CREB5: variants seen among roughly 807,000 people sequenced by gnomAD.
CREB5 encodes the protein cyclic AMP-responsive element-binding protein 5.
CREB5 carries 19 observed loss-of-function variants against 57.1 expected under a neutral mutation model. The ratio of observed to expected loss-of-function variants is 0.33; its 90% CI spans 0.23 to 0.49. The LOEUF is 0.49. Among genes scored for constraint, CREB5 ranks in the 20% least tolerant of loss-of-function variants. The pLI, the probability that CREB5 is intolerant of heterozygous loss-of-function variation, is 0.99. For synonymous variants in CREB5, 238 were observed against 238.3 expected (o/e 1.00, Z 0.01); for missense variants, 579 against 671.6 (o/e 0.86, Z 1.52).
chr7:28,467,575 C>T (rs779135715), intron 1 of CREB5, among the ~76,000 whole-genome samples: 1 of 152,152 alleles, frequency 6.6e-6, no homozygotes, highest in African/African-American at 2.4e-5. Context: ...TGGGTTGCTG[C>T]TCCTGGTGAT....
chr7:28,585,287 CA>C (rs1017756206), intron 5 of CREB5, among the ~76,000 whole-genome samples: 6 of 152,212 alleles, frequency 3.9e-5, no homozygotes, highest in African/African-American at 1.4e-4. Flanking sequence ...AACATTCCAG[CA>C]GCCCTGAACC....
intron 1 of CREB5, among the ~76,000 whole-genome samples, chr7:28,382,175 A>G (rs1786979047): frequency 6.6e-6 from 1 of 152,188 alleles, no homozygotes; most frequent in African/African-American, 2.4e-5. Flanking sequence ...GCTCCAGGAA[A>G]GAGAATTCAT....
At chr7:28,462,764 T>C (rs1790400736) in intron 1 of CREB5, among the ~76,000 whole-genome samples, 1 of 152,218 alleles carries the variant, frequency 6.6e-6, no homozygotes, top group South Asian at 2.1e-4. Context: ...TTAGGTTATT[T>C]GCTTTTTTAT....
rs150596707 is a variant in CREB5 at position 28,300,023 on chromosome 7, C to T, written c.-25+582C>T. On this transcript the variant is annotated intron_variant, in intron 1 of 9. Transcript: ENST00000396299. ...GTGTTGCCCTTTTCATCCTGTTTTCCGTTTTGTTATTTATACTGCTTTTTA... is the reference window on the plus strand; with the variant it reads ...GTGTTGCCCTTTTCATCCTGTTTTCTGTTTTGTTATTTATACTGCTTTTTA... 4.3e-3 allele frequency among the ~76,000 whole-genome samples: 658 copies of T among 151,658 alleles called. 4 individuals carry two copies. The highest frequency in any genetic ancestry group is 0.024 in the Middle Eastern group (7 of 294).
intron 5 of CREB5, among the ~76,000 whole-genome samples, chr7:28,632,099 C>T (rs141872230): frequency 1.0e-3 from 155 of 152,272 alleles, no homozygotes; most frequent in African/African-American, 3.5e-3. Flanking sequence ...CAGCTTGGAC[C>T]GTGTTCTTCC....
chr7:28,557,876 G>A (rs1211708352), intron 4 of CREB5, among the ~76,000 whole-genome samples: 1 of 152,170 alleles, frequency 6.6e-6, no homozygotes, highest in East Asian at 1.9e-4. Context: ...ATAGCATGCA[G>A]GTTTCTGGAG....
At chr7:28,729,972 A>G (rs1803524441) in intron 7 of CREB5, among the ~76,000 whole-genome samples, 1 of 152,210 alleles carries the variant, frequency 6.6e-6, no homozygotes, top group African/African-American at 2.4e-5. Flanking sequence ...ATAAGATTCC[A>G]TGACAACAGC....
At position 28,524,316 on chromosome 7, in the gene CREB5, A is replaced by AACACACACACAC. The variant is rs4000595; in HGVS notation, c.291+16612_291+16623dup. On this transcript the variant is annotated intron_variant, in intron 4 of 10. Transcript: ENST00000357727. ...ACATGGTGAAACCTCGCCTCTACTAAACACACACACACACACACACACACA... is the reference window on the plus strand; with the variant it reads ...ACATGGTGAAACCTCGCCTCTACTAAACACACACACACACACACACACACACACACACACACA... Among the ~76,000 whole-genome samples the AACACACACACAC allele has an allele frequency of 6.0e-3, 820 of 136,640 alleles. 7 individuals are homozygous for AACACACACACAC. The highest frequency in any genetic ancestry group is 9.1e-3 in the Non-Finnish European group (577 of 63,322). 89.6% of individuals were successfully genotyped at this position (136,640 alleles called of 152,430 possible). A position where few individuals can be genotyped will look rare whatever the true frequency, so the allele number is the denominator to read the frequency against.
rs1364187136 is a variant in CREB5 at position 28,819,124 on chromosome 7, A to G, written c.1372A>G (p.Ser458Gly). Residue 458 changes from serine to glycine, a missense_variant, in exon 11 of 11, where the codon AGT (serine) becomes GGT (glycine). By Grantham distance (56) the Ser-to-Gly change is moderately conservative. This residue lies in a region of CREB5 where 114 missense variants were observed against 130.8 expected (regional missense o/e 0.87). Coordinates refer to ENST00000357727, the MANE Select transcript of CREB5 (RefSeq NM_182898.4). Reference protein sequence around the residue: ...KESQGYLSPESSPPASPVPAC... With the variant: ...KESQGYLSPEGSPPASPVPAC... The stretch of plus-strand genomic sequence containing the variant: ...TTTTTTTTTCTCCCTAGGTCCAGAG[A>G]GTAGCCCTCCTGCTAGTCCTGTCCC... The G allele has an allele frequency of 1.2e-6, 2 of 1,613,244 alleles. No individual in the cohort carries two copies. Among genetic ancestry groups the G allele is most frequent in the African/African-American group, 1.3e-5 (1 of 74,892 alleles).
chr7:28,483,490 A>G (rs1446981154), intron 1 of CREB5, among the ~76,000 whole-genome samples: 1 of 152,194 alleles, frequency 6.6e-6, no homozygotes, highest in Non-Finnish European at 1.5e-5. Context: ...ATTTGAAGGA[A>G]ATTAAAATCA....
At chr7:28,625,516 T>A (rs1268602506) in intron 5 of CREB5, among the ~76,000 whole-genome samples, 2 of 152,190 alleles carry the variant, frequency 1.3e-5, no homozygotes, top group East Asian at 3.9e-4. Flanking sequence ...TCCTTGTTAG[T>A]GGCTGGAGTT....
At chr7:28,685,784 C>T (rs1800859086) in intron 5 of CREB5, among the ~76,000 whole-genome samples, 1 of 151,850 alleles carries the variant, frequency 6.6e-6, no homozygotes, top group South Asian at 2.1e-4. Flanking sequence ...TAGGGCCATC[C>T]CCAGCGGCAC....
At chr7:28,408,774 C>T (rs1043146460), upstream of CREB5, among the ~76,000 whole-genome samples, 6 of 151,852 alleles carry the variant, frequency 4.0e-5, no homozygotes, top group Non-Finnish European at 2.9e-5. Flanking sequence ...GATGAGGGGG[C>T]GGTGAAGAAG....
At chr7:28,405,246 G>A (rs1438293386) in intron 1 of CREB5, among the ~76,000 whole-genome samples, 1 of 152,164 alleles carries the variant, frequency 6.6e-6, no homozygotes, top group African/African-American at 2.4e-5. Context: ...CACAAAATGG[G>A]CTTCAGCAGC....
chr7:28,595,012 T>C (rs1796646579), intron 5 of CREB5, among the ~76,000 whole-genome samples: 1 of 152,178 alleles, frequency 6.6e-6, no homozygotes, highest in Non-Finnish European at 1.5e-5. Flanking sequence ...CTAACTTTAG[T>C]CATTCATTGA....
rs1268541355 is a variant in CREB5 at position 28,561,001 on chromosome 7, T to TGCGTGTGTGCGC, written c.292-9363_292-9362insCGTGTGTGCGCG. ...GTGTGCGTGCGTGTGTGTGCCTGCG[T>TGCGTGTGTGCGC]GTGCGTGTGTGTGTGCGTGTGTGCG... On this transcript the variant is annotated intron_variant, in intron 4 of 10. Coordinates refer to ENST00000357727, the MANE Select transcript of CREB5 (RefSeq NM_182898.4). Among the ~76,000 whole-genome samples, 2 of 25,260 alleles carry TGCGTGTGTGCGC rather than the reference T, an allele frequency of 7.9e-5. 1 individual carries two copies. The highest frequency in any genetic ancestry group is 1.8e-4 in the Non-Finnish European group (2 of 10,962). The allele number at this position is 25,260 out of a possible 152,430, so 16.6% of individuals were successfully genotyped here.
At chr7:28,456,090 A>G (rs1790082759) in intron 1 of CREB5, among the ~76,000 whole-genome samples, 1 of 152,166 alleles carries the variant, frequency 6.6e-6, no homozygotes, top group African/African-American at 2.4e-5. Flanking sequence ...ATAATCTTTT[A>G]CAGTGAAATT....
chr7:28,808,018 A>C (rs993334133), intron 8 of CREB5, among the ~76,000 whole-genome samples: 1 of 152,246 alleles, frequency 6.6e-6, no homozygotes, highest in Non-Finnish European at 1.5e-5. Flanking sequence ...TAAGCATAGT[A>C]AAACTTTTTA....
chr7:28,614,698 G>T (rs907218973), intron 5 of CREB5, among the ~76,000 whole-genome samples: 3 of 152,084 alleles, frequency 2.0e-5, no homozygotes, highest in Non-Finnish European at 4.4e-5. Context: ...TGTGGACAAA[G>T]TTTCTTAATT....
Sources: allele counts gnomAD v4.1 joint callset (sites outside exome capture counted in the v4.1 genomes callset), GRCh38; gene constraint gnomAD v4.1.1; regional missense constraint gnomAD v4.1.1; transcripts MANE v1.5; gene names NCBI Gene and HGNC (gene_info 2026-07-23, HGNC 2026-07-21).